Variants in NAALADL2 observed in about 807,000 individuals in gnomAD.
NAALADL2 encodes the protein inactive N-acetylated-alpha-linked acidic dipeptidase-like protein 2.
A neutral mutation model predicts 87.2 loss-of-function variants in NAALADL2; 76 were observed. The ratio of observed to expected loss-of-function variants is 0.87; its 90% CI spans 0.72 to 1.05. The LOEUF is 1.05. Among genes scored for constraint, NAALADL2 ranks in the 50% least tolerant of loss-of-function variants. NAALADL2 has a pLI of 0.00. For missense variants in NAALADL2, 1,089 were observed against 945.8 expected (o/e 1.15, Z -1.99); for synonymous variants, 354 against 331.0 (o/e 1.07, Z -0.75).
At chr3:175,686,265 A>T (rs1415636493) in intron 11 of NAALADL2, among the ~76,000 whole-genome samples, 1 of 152,228 alleles carries the variant, frequency 6.6e-6, no homozygotes, top group African/African-American at 2.4e-5. Context: ...TTAATTGTGA[A>T]GTATATTAGC....
chr3:175,737,568 A>T (rs566013877), intron 12 of NAALADL2, among the ~76,000 whole-genome samples, 169 bp downstream of exon 12: 1 of 152,330 alleles, frequency 6.6e-6, no homozygotes, highest in African/African-American at 2.4e-5. Context: ...TTCATTCAAC[A>T]AAAATGAGAT....
intron 3 of NAALADL2, among the ~76,000 whole-genome samples, chr3:174,794,481 T>A (rs189781224): frequency 6.6e-6 from 1 of 152,084 alleles, no homozygotes; most frequent in East Asian, 1.9e-4. Flanking sequence ...AATGTGTAAT[T>A]TTTTACATCC....
intron 1 of NAALADL2, among the ~76,000 whole-genome samples, chr3:174,945,933 C>A (rs1464279417): frequency 6.7e-6 from 1 of 149,906 alleles, no homozygotes; most frequent in Non-Finnish European, 1.5e-5. Context: ...GCGGTCCCAG[C>A]TGATTGGGAG....
intron 5 of NAALADL2, among the ~76,000 whole-genome samples, chr3:175,434,974 A>T (rs1215928751): frequency 1.3e-5 from 2 of 151,976 alleles, no homozygotes; most frequent in African/African-American, 4.8e-5. Context: ...GCTTTAGGGG[A>T]TAAAATAGTC....
intron 2 of NAALADL2, among the ~76,000 whole-genome samples, chr3:174,607,482 C>T (rs1158277517): frequency 6.7e-5 from 10 of 149,316 alleles, no homozygotes; most frequent in African/African-American, 2.0e-4. Flanking sequence ...ATCTACCAAG[C>T]AAATGGAAAA....
At chr3:175,570,671 G>A (rs1717927674) in intron 9 of NAALADL2, among the ~76,000 whole-genome samples, 1 of 152,016 alleles carries the variant, frequency 6.6e-6, no homozygotes, top group Non-Finnish European at 1.5e-5. Flanking sequence ...ACGAGGTCAG[G>A]AGATCGAGAC....
intron 5 of NAALADL2, 69 bp downstream of exon 5, chr3:175,324,394 G>GCTAT: frequency 8.1e-7 from 1 of 1,232,940 alleles, no homozygotes; most frequent in South Asian, 1.6e-5. Flanking sequence ...ATAAATAAAT[G>GCTAT]CTATCTATCA....
At chr3:174,848,001 C>G (rs1724825746) in intron 3 of NAALADL2, among the ~76,000 whole-genome samples, 1 of 144,882 alleles carries the variant, frequency 6.9e-6, no homozygotes, top group East Asian at 2.0e-4. Flanking sequence ...TAACTCTTTT[C>G]TCTCTCTTTT....
At chr3:175,045,630 C>A (rs564206422) in intron 1 of NAALADL2, among the ~76,000 whole-genome samples, 1 of 152,088 alleles carries the variant, frequency 6.6e-6, no homozygotes, top group African/African-American at 2.4e-5. Context: ...CACAGTATAG[C>A]GGCCAGTATG....
chr3:174,876,800 G>A (rs1165431604), intron 1 of NAALADL2, among the ~76,000 whole-genome samples: 1 of 152,120 alleles, frequency 6.6e-6, no homozygotes, highest in Non-Finnish European at 1.5e-5. Context: ...TATTTCTTGT[G>A]TTCTTAGTTG....
At chr3:174,580,321 A>C (rs1355201981) in intron 2 of NAALADL2, among the ~76,000 whole-genome samples, 1 of 152,100 alleles carries the variant, frequency 6.6e-6, no homozygotes, top group Non-Finnish European at 1.5e-5. Flanking sequence ...ATTATGTCAA[A>C]AATATTTTCA....
chr3:174,706,442 A>C (rs1047580468), intron 2 of NAALADL2, among the ~76,000 whole-genome samples: 1 of 152,230 alleles, frequency 6.6e-6, no homozygotes, highest in Non-Finnish European at 1.5e-5. Context: ...CAACAAAAGA[A>C]AGAATAGATA....
intron 11 of NAALADL2, among the ~76,000 whole-genome samples, chr3:175,690,057 C>T (rs1229802075): frequency 6.6e-6 from 1 of 151,998 alleles, no homozygotes; most frequent in Non-Finnish European, 1.5e-5. Flanking sequence ...TTAGTATGTA[C>T]ACAAAACATA....
chr3:175,678,037 G>T (rs1735060656), intron 11 of NAALADL2, among the ~76,000 whole-genome samples: 2 of 152,166 alleles, frequency 1.3e-5, no homozygotes, highest in Admixed American at 1.3e-4. Flanking sequence ...GTTAGGCAGA[G>T]CCTTGTAGCT....
chr3:174,916,786 G>A (rs1734474300), intron 1 of NAALADL2, among the ~76,000 whole-genome samples: 1 of 151,990 alleles, frequency 6.6e-6, no homozygotes, highest in South Asian at 2.1e-4. Context: ...AGTGATGGGT[G>A]TACTAAAATC....
At position 174,457,012 on chromosome 3, in the gene NAALADL2, C is replaced by T. The variant is rs148760521; in HGVS notation, c.-184+15980C>T. The stretch of plus-strand genomic sequence containing the variant: ...TCTACAGGGAACTTAAACAAATTTA[C>T]AAGAAAAAATAATCCCATTAAAATG... On this transcript the variant is annotated intron_variant, in intron 1 of 3. Coordinates refer to the NAALADL2 transcript ENST00000434257. Among the ~76,000 whole-genome samples the T allele has an allele frequency of 2.0e-4, 31 of 151,920 alleles. No individual in the cohort carries two copies. In the East Asian group the frequency reaches 5.8e-3, roughly 29 times the overall value.
At chr3:174,743,013 A>G (rs1733904589) in intron 3 of NAALADL2, among the ~76,000 whole-genome samples, 1 of 151,738 alleles carries the variant, frequency 6.6e-6, no homozygotes, top group Non-Finnish European at 1.5e-5. Context: ...ATATAGTCAA[A>G]TATATAATTC....
At chr3:175,764,804 T>G (rs987386801) in intron 13 of NAALADL2, among the ~76,000 whole-genome samples, 1 of 152,094 alleles carries the variant, frequency 6.6e-6, no homozygotes, top group African/African-American at 2.4e-5. Context: ...CATACATAAT[T>G]TTAAGAGGTT....
intron 1 of NAALADL2, among the ~76,000 whole-genome samples, chr3:174,964,750 ATAG>A (rs1181965916): frequency 6.6e-6 from 1 of 152,030 alleles, no homozygotes; most frequent in Non-Finnish European, 1.5e-5. Flanking sequence ...GCTTGTAATA[ATAG>A]TAGTAATAGT....
Sources: gnomAD v4.1 joint callset for allele counts (sites outside exome capture counted in the v4.1 genomes callset) on GRCh38, gnomAD v4.1.1 for gene constraint, MANE v1.5 for transcripts, NCBI Gene and HGNC (gene_info 2026-07-23, HGNC 2026-07-21) for gene names.